The following MID1 variants were observed in gnomAD, a reference collection of about 807,000 sequenced individuals.
MID1 encodes E3 ubiquitin-protein ligase Midline-1.
Under a neutral mutation model 40.4 loss-of-function variants are expected in MID1, and 7 were observed. The observed-to-expected ratio is 0.17, with a 90% confidence interval of 0.10 to 0.33. The LOEUF (loss-of-function observed/expected upper bound fraction) is 0.33, where lower values mean the gene tolerates loss of function less well. Ranked by LOEUF, MID1 falls within the 10% of genes least tolerant of loss-of-function variation. The pLI is 1.00. For missense variants in MID1, 367 were observed against 558.5 expected (o/e 0.66, Z 3.46); for synonymous variants, 229 against 221.2 (o/e 1.04, Z -0.31).
chrX:10,705,345 A>G (rs768013394), intron 1 of MID1, among the ~76,000 whole-genome samples: 11 of 112,050 alleles, frequency 9.8e-5, no homozygotes, highest in Non-Finnish European at 1.7e-4. Flanking sequence ...TGAAAACTGT[A>G]TCTAGGTGAG....
intron 1 of MID1, among the ~76,000 whole-genome samples, chrX:10,745,584 A>G (rs2043551848): frequency 8.9e-6 from 1 of 112,620 alleles, no homozygotes; most frequent in Admixed American, 9.3e-5. Flanking sequence ...TAAAAAGAGA[A>G]GCGCTCAACA....
intron 1 of MID1, among the ~76,000 whole-genome samples, chrX:10,784,877 T>G (rs2043870951): frequency 9.0e-6 from 1 of 111,260 alleles, no homozygotes; most frequent in East Asian, 2.8e-4. Context: ...TCATACTGAA[T>G]GAGCAAAAAC....
intron 1 of MID1, among the ~76,000 whole-genome samples, chrX:10,708,467 T>A (rs900231876): frequency 2.5e-4 from 28 of 110,808 alleles, no homozygotes; most frequent in African/African-American, 8.2e-4. Context: ...AGGAGGATGG[T>A]TACCAGGGCA....
chrX:10,733,783 A>G (rs183036735), intron 1 of MID1, among the ~76,000 whole-genome samples: 17 of 112,272 alleles, frequency 1.5e-4, no homozygotes, highest in African/African-American at 4.8e-4. Context: ...AATTAAAAAG[A>G]CTGTTATCAC....
chrX:10,548,365 G>A (rs945601678), intron 2 of MID1, among the ~76,000 whole-genome samples: 6 of 111,284 alleles, frequency 5.4e-5, no homozygotes, highest in African/African-American at 2.0e-4. Context: ...TTCAATGATG[G>A]CATCATACAG....
intron 1 of MID1, among the ~76,000 whole-genome samples, chrX:10,699,831 T>C (rs1296331808): frequency 3.6e-5 from 4 of 110,271 alleles, no homozygotes; most frequent in Non-Finnish European, 7.6e-5. Flanking sequence ...AATACTTTTT[T>C]TTTTTTTTGA....
Position 10,618,675 on chromosome X carries a change from C to A in MID1, c.-57+1615G>T, listed in dbSNP as rs184553605. Reference sequence around the variant, plus strand: ...TTCCAACTTCACGTAAATGCCACAACAAACTAGGCATGGGAAAAACCATTC... The same window carrying A: ...TTCCAACTTCACGTAAATGCCACAAAAAACTAGGCATGGGAAAAACCATTC... On this transcript the variant is annotated intron_variant, in intron 1 of 9. Coordinates refer to ENST00000317552, the MANE Select transcript of MID1 (RefSeq NM_000381.4). Among the ~76,000 whole-genome samples, 224 of 111,455 alleles carry A rather than the reference C, an allele frequency of 2.0e-3. 2 individuals are homozygous for A. The highest frequency in any genetic ancestry group is 6.6e-3 in the African/African-American group (203 of 30,642).
intron 1 of MID1, among the ~76,000 whole-genome samples, chrX:10,780,524 C>T (rs2043838194): frequency 9.0e-6 from 1 of 111,689 alleles, no homozygotes; most frequent in African/African-American, 3.3e-5. Context: ...GCACTTAGTC[C>T]TAAATAGAGA....
chrX:10,534,379 T>C (rs1218332063), intron 2 of MID1, among the ~76,000 whole-genome samples: 1 of 112,282 alleles, frequency 8.9e-6, no homozygotes, highest in Non-Finnish European at 1.9e-5. Context: ...TCAGATACTG[T>C]AGGAAAACCA....
chrX:10,680,875 A>G (rs935892938), intron 1 of MID1, among the ~76,000 whole-genome samples: 2 of 108,768 alleles, frequency 1.8e-5, no homozygotes, highest in Non-Finnish European at 3.8e-5. Flanking sequence ...TACCAAAAAT[A>G]AAAATAAAAA....
At chrX:10,810,772 G>A (rs1389364920) in intron 1 of MID1, among the ~76,000 whole-genome samples, 2 of 109,097 alleles carry the variant, frequency 1.8e-5, no homozygotes, top group African/African-American at 6.7e-5. Flanking sequence ...CTCATTGTGG[G>A]CTTGTTTGGA....
chrX:10,570,981 T>A (rs1354212167), intron 1 of MID1, among the ~76,000 whole-genome samples: 9 of 88,777 alleles, frequency 1.0e-4, no homozygotes, highest in African/African-American at 3.0e-4. Context: ...GAGCAAGACT[T>A]GAACAAGCAC....
At chrX:10,622,950 T>A (rs1935950719), upstream of MID1, among the ~76,000 whole-genome samples, 1 of 110,279 alleles carries the variant, frequency 9.1e-6, no homozygotes, top group Non-Finnish European at 1.9e-5. Flanking sequence ...ATCCACCTAT[T>A]AGAAACAGTG....
intron 1 of MID1, among the ~76,000 whole-genome samples, chrX:10,687,534 T>A (rs187972432): frequency 8.9e-6 from 1 of 112,549 alleles, no homozygotes; most frequent in East Asian, 2.8e-4. Flanking sequence ...ATGTTAGATA[T>A]GTTAGCATAT....
intron 1 of MID1, among the ~76,000 whole-genome samples, chrX:10,792,149 A>G (rs1402228982): frequency 2.7e-5 from 3 of 112,184 alleles, no homozygotes; most frequent in Non-Finnish European, 5.6e-5. Context: ...AGTCAACATT[A>G]TTGTTTTAAT....
At chrX:10,508,827 G>T (rs1014541291) in intron 3 of MID1, among the ~76,000 whole-genome samples, 3 of 112,021 alleles carry the variant, frequency 2.7e-5, no homozygotes, top group African/African-American at 9.7e-5. Flanking sequence ...ACTGCCCCTT[G>T]TGAAAAGCCT....
At chrX:10,484,947 G>GTCA (rs1930537104) in intron 4 of MID1, among the ~76,000 whole-genome samples, 1 of 108,572 alleles carries the variant, frequency 9.2e-6, no homozygotes, top group South Asian at 3.9e-4. Flanking sequence ...GTATTGTGAT[G>GTCA]TCATATATAT....
At chrX:10,803,499 T>A (rs1029655285) in intron 1 of MID1, among the ~76,000 whole-genome samples, 1 of 109,588 alleles carries the variant, frequency 9.1e-6, no homozygotes, top group Non-Finnish European at 1.9e-5. Context: ...ATTTCCGGCA[T>A]GCACCACCAC....
chrX:10,830,264 T>A (rs1407111714), intron 1 of MID1, among the ~76,000 whole-genome samples: 1 of 111,821 alleles, frequency 8.9e-6, no homozygotes, highest in Non-Finnish European at 1.9e-5. Context: ...AGCAAAAGAG[T>A]GAGTGATCAA....
Sources: gnomAD v4.1 joint callset for allele counts (sites outside exome capture counted in the v4.1 genomes callset) on GRCh38, gnomAD v4.1.1 for gene constraint, MANE v1.5 for transcripts, NCBI Gene and HGNC (gene_info 2026-07-23, HGNC 2026-07-21) for gene names.